CFAP47: variants seen among roughly 807,000 people sequenced by gnomAD.
CFAP47 encodes cilia- and flagella-associated protein 47.
A neutral mutation model predicts 148.1 loss-of-function variants in CFAP47; 29 were observed. The observed-to-expected ratio is 0.20, with a 90% CI of 0.15 to 0.27. CFAP47 has a LOEUF of 0.27. Among genes scored for constraint, CFAP47 ranks in the 10% least tolerant of loss-of-function variants. The pLI is 1.00. For missense variants in CFAP47, 1,872 were observed against 1,697.5 expected (o/e 1.10, Z -1.81); for synonymous variants, 664 against 577.3 (o/e 1.15, Z -2.15).
chrX:36,209,654 C>G (rs1306929322), intron 45 of CFAP47, among the ~76,000 whole-genome samples: 1 of 111,043 alleles, frequency 9.0e-6, no homozygotes, highest in Non-Finnish European at 1.9e-5. Flanking sequence ...GAATTTACAT[C>G]AAGTAAAAAA....
chrX:36,171,111 G>A (rs1247427885), intron 39 of CFAP47, among the ~76,000 whole-genome samples: 254 of 110,293 alleles, frequency 2.3e-3, no homozygotes, highest in African/African-American at 6.2e-3. Context: ...AGAAGTGTCC[G>A]TTCATGTCCT....
At chrX:36,236,109 A>C in intron 47 of CFAP47, 32 bp downstream of exon 47, 1 of 426,390 alleles carries the variant, frequency 2.3e-6, no homozygotes, top group Non-Finnish European at 4.2e-6. Context: ...CCCCAGTATT[A>C]ATTAATAGTA....
intron 21 of CFAP47, among the ~76,000 whole-genome samples, chrX:36,008,484 T>C (rs986870739): frequency 9.0e-6 from 1 of 110,867 alleles, no homozygotes; most frequent in African/African-American, 3.3e-5. Flanking sequence ...AAATGCCTGC[T>C]TCTGGCTGGG....
At chrX:36,217,186 T>C (rs1296797801) in intron 45 of CFAP47, among the ~76,000 whole-genome samples, 1 of 112,111 alleles carries the variant, frequency 8.9e-6, no homozygotes, top group African/African-American at 3.2e-5. Context: ...AAAGGTGGTT[T>C]CAGCATGATC....
At chrX:36,152,732 C>G (rs59054266) in intron 37 of CFAP47, among the ~76,000 whole-genome samples, 2 of 111,261 alleles carry the variant, frequency 1.8e-5, no homozygotes, top group African/African-American at 6.6e-5. Flanking sequence ...TTAATTGGAA[C>G]CTTGAGCCCT....
rs1556019224 is a variant in CFAP47, at chrX:36,361,449, A to G, written c.8971A>G (p.Lys2991Glu). Residue 2991 changes from lysine (K) to glutamate (E), a missense_variant, in exon 61 of 64, where the codon AAA becomes GAA. By Grantham distance (56) the Lys-to-Glu change is moderately conservative (BLOSUM62 1). Coordinates refer to ENST00000378653, the MANE Select transcript of CFAP47 (RefSeq NM_001304548.2). ...TGAAAAATCTTATGATATTATGGCT[A>G]AAAGGATAACATTTATCTTCAATCT... ...MIEKSYDIMA[K>E]RITFIFNLVF... The G allele has an allele frequency of 3.7e-6, 4 of 1,092,501 alleles. No homozygotes were observed. Among genetic ancestry groups the G allele is most frequent in the East Asian group, 6.7e-5 (2 of 29,981 alleles). 90.0% of individuals were successfully genotyped at this position (1,092,501 alleles called of 1,213,427 possible).
chrX:36,214,565 G>A (rs782081491), intron 45 of CFAP47, among the ~76,000 whole-genome samples: 3 of 111,406 alleles, frequency 2.7e-5, no homozygotes, highest in Non-Finnish European at 1.9e-5. Flanking sequence ...ATATGTAGCT[G>A]TACAAAAATA....
chrX:36,374,212 G>A (rs113042196), intron 62 of CFAP47, among the ~76,000 whole-genome samples: 3,644 of 110,826 alleles, frequency 0.033, 147 homozygotes, highest in African/African-American at 0.11. Context: ...TTAATGCTAC[G>A]ATCTTTTTTA....
chrX:36,366,681 T>C (rs781879050), intron 61 of CFAP47, among the ~76,000 whole-genome samples: 3 of 111,365 alleles, frequency 2.7e-5, no homozygotes, highest in African/African-American at 9.8e-5. Context: ...ATTTGCAGAG[T>C]TCATTCTGCA....
At chrX:36,139,956 TAGTC>T (rs996765820) in intron 35 of CFAP47, among the ~76,000 whole-genome samples, 2 of 111,820 alleles carry the variant, frequency 1.8e-5, no homozygotes, top group Non-Finnish European at 3.8e-5. Context: ...TCAATAATTT[TAGTC>T]AGAGAGTTCT....
At chrX:36,351,474 T>C (rs1399374437) in intron 59 of CFAP47, among the ~76,000 whole-genome samples, 1 of 111,878 alleles carries the variant, frequency 8.9e-6, no homozygotes, top group Non-Finnish European at 1.9e-5. Flanking sequence ...TCTGTTGGAA[T>C]GCTAATAATA....
In CFAP47 at chrX:36,201,331, A is replaced by T. The variant is rs1939977981; in HGVS notation, c.6494A>T (p.Tyr2165Phe). Residue 2165 changes from tyrosine (Y) to phenylalanine (F), a missense_variant, in exon 44 of 64, where the codon TAT becomes TTT. Physicochemically the swap from Tyr to Phe is conservative, Grantham distance 22. Transcript: ENST00000378653. ...AAATGCAAACCCTATCAAATCCTGT[A>T]TGTGGACCTTAAATTGCCAATGACT... is the stretch of plus-strand genomic sequence containing the variant. ...YLKCKPYQILYVDLKLPMTNE... is the reference protein window; with the variant it reads ...YLKCKPYQILFVDLKLPMTNE... 1 of 295,528 alleles carries T rather than the reference A, an allele frequency of 3.4e-6. No individual in the cohort carries two copies. The highest frequency in any genetic ancestry group is 2.8e-5 in the African/African-American group (1 of 36,288). 24.4% of individuals were successfully genotyped at this position (295,528 alleles called of 1,213,427 possible).
At chrX:36,231,840 C>T (rs1346411576) in intron 46 of CFAP47, among the ~76,000 whole-genome samples, 1 of 111,542 alleles carries the variant, frequency 9.0e-6, no homozygotes, top group East Asian at 2.8e-4. Flanking sequence ...TGAATTTTGT[C>T]AAAGGCCTTT....
At position 36,104,549 on chromosome X, in the gene CFAP47, C is replaced by A. The variant is rs765991520; in HGVS notation, c.5178C>A (p.Pro1726=). 3 of 1,012,469 alleles carry A rather than the reference C, an allele frequency of 3.0e-6. No individual in the cohort carries two copies. The highest frequency in any genetic ancestry group is 2.2e-5 in the South Asian group (1 of 45,011). 83.4% of individuals were successfully genotyped at this position (1,012,469 alleles called of 1,213,427 possible). ...CATACTGCAGCAATAATATGCCCCC[C>A]ATATGTGTGCAAAATACACCAAAAG... ...VVPYCSNNMP[P]ICVQNTPKVN... The change falls in exon 33 of 64, where the codon CCC becomes CCA. Residue 1726 remains proline, a synonymous_variant. Transcript: ENST00000378653.
intron 48 of CFAP47, among the ~76,000 whole-genome samples, chrX:36,238,582 T>C (rs372216487): frequency 1.8e-5 from 2 of 112,017 alleles, no homozygotes; most frequent in African/African-American, 3.2e-5. Context: ...CATGTGAAGT[T>C]TGACACTGTT....
chrX:36,128,140 A>T (rs2146820681), intron 33 of CFAP47, among the ~76,000 whole-genome samples: 1 of 111,097 alleles, frequency 9.0e-6, no homozygotes, highest in Non-Finnish European at 1.9e-5. Context: ...GTTGAATAGG[A>T]GTGGTGAGAG....
At chrX:35,955,215 T>A (rs1353203932) in intron 7 of CFAP47, among the ~76,000 whole-genome samples, 2 of 112,010 alleles carry the variant, frequency 1.8e-5, no homozygotes, top group Non-Finnish European at 3.8e-5. Context: ...ACTCCTGATT[T>A]TTCCACAACC....
chrX:36,379,658 C>G (rs1277068667), intron 63 of CFAP47, 140 bp downstream of exon 63: 4 of 493,405 alleles, frequency 8.1e-6, no homozygotes, highest in African/African-American at 4.8e-5. Context: ...ATCTCAACTG[C>G]TACATCTTGG....
chrX:36,185,212 T>C (rs1236386966), intron 40 of CFAP47, among the ~76,000 whole-genome samples: 1 of 110,705 alleles, frequency 9.0e-6, no homozygotes, highest in East Asian at 2.9e-4. Flanking sequence ...GTCTTCTTGC[T>C]GCATCCTCCC....
Sources: allele counts gnomAD v4.1 joint callset (sites outside exome capture counted in the v4.1 genomes callset), GRCh38; gene constraint gnomAD v4.1.1; transcripts MANE v1.5; gene names NCBI Gene and HGNC (gene_info 2026-07-23, HGNC 2026-07-21).